Variants in CSNK2A2IP observed in about 807,000 individuals in gnomAD.
CSNK2A2IP encodes casein kinase II subunit alpha'-interacting protein.
At chr3:88,464,929 T>C in the CSNK2A2IP span, among the ~76,000 whole-genome samples, 1 of 152,162 alleles carries the variant, frequency 6.6e-6, no homozygotes. Context: ...AAAGTATAAT[T>C]CAAAAGATAT....
chr3:88,453,929 T>C, the CSNK2A2IP span, among the ~76,000 whole-genome samples: 3 of 152,234 alleles, frequency 2.0e-5, no homozygotes, highest in African/African-American at 7.2e-5. Context: ...TATGAGCATA[T>C]GCTTTCATTT....
At chr3:88,453,260 T>C in the CSNK2A2IP span, among the ~76,000 whole-genome samples, 184 of 152,230 alleles carry the variant, frequency 1.2e-3, 3 homozygotes, top group East Asian at 0.031. Context: ...TTGAAATCTC[T>C]TGAGTTATAA....
chr3:88,356,229 C>T, the CSNK2A2IP span, among the ~76,000 whole-genome samples: 3,881 of 152,064 alleles, frequency 0.026, 104 homozygotes, highest in East Asian at 0.074. Context: ...TTAATTAATA[C>T]TTTTTTAACC....
the CSNK2A2IP span, among the ~76,000 whole-genome samples, chr3:88,395,717 A>T: frequency 6.6e-6 from 1 of 152,352 alleles, no homozygotes. Context: ...TTTTAACAAT[A>T]CTGAGTCTAC....
chr3:88,443,978 T>C, the CSNK2A2IP span, among the ~76,000 whole-genome samples: 2 of 152,132 alleles, frequency 1.3e-5, no homozygotes, highest in Non-Finnish European at 2.9e-5. Context: ...TTTTTTTCTT[T>C]TTATTATCAA....
chr3:88,343,429 G>A, the CSNK2A2IP span: 1 of 151,846 alleles, frequency 6.6e-6, no homozygotes, highest in Non-Finnish European at 1.5e-5. Context: ...TCACTCCAGT[G>A]AGTCTGTTGA....
the CSNK2A2IP span, among the ~76,000 whole-genome samples, chr3:88,420,537 T>C: frequency 6.6e-6 from 1 of 152,254 alleles, no homozygotes; most frequent in African/African-American, 2.4e-5. Context: ...AGCTATATTT[T>C]TGTTTATTAT....
the CSNK2A2IP span, among the ~76,000 whole-genome samples, chr3:88,408,477 G>A: frequency 1.3e-5 from 2 of 152,020 alleles, no homozygotes; most frequent in Non-Finnish European, 2.9e-5. Flanking sequence ...TTCTATTAAA[G>A]TAGCTGATTA....
chr3:88,347,341 T>C, the CSNK2A2IP span, among the ~76,000 whole-genome samples: 3 of 151,998 alleles, frequency 2.0e-5, no homozygotes, highest in Admixed American at 6.6e-5. Flanking sequence ...GTGGGTAAAA[T>C]GCTATCAAAC....
At chr3:88,426,889 T>TGGGGGGGG in the CSNK2A2IP span, among the ~76,000 whole-genome samples, 12 of 123,738 alleles carry the variant, frequency 9.7e-5, no homozygotes, top group Non-Finnish European at 1.2e-4. Context: ...CCACGGGGGA[T>TGGGGGGGG]GGGGGGGGGC....
the CSNK2A2IP span, chr3:88,399,828 C>G: frequency 6.6e-6 from 1 of 152,132 alleles, no homozygotes; most frequent in Non-Finnish European, 1.5e-5. Context: ...ATTACAAAGG[C>G]GAGTTCAGAA....
the CSNK2A2IP span, among the ~76,000 whole-genome samples, chr3:88,342,809 G>T: frequency 6.6e-6 from 1 of 151,658 alleles, no homozygotes; most frequent in Non-Finnish European, 1.5e-5. Context: ...TGATAATTTT[G>T]GTGTGTATTA....
chr3:88,424,621 A>G, the CSNK2A2IP span, among the ~76,000 whole-genome samples: 2 of 152,182 alleles, frequency 1.3e-5, no homozygotes, highest in Non-Finnish European at 2.9e-5. Context: ...AAAGATTTCT[A>G]TGTCTGTAAG....
the CSNK2A2IP span, among the ~76,000 whole-genome samples, chr3:88,423,214 AT>A: frequency 1.3e-5 from 2 of 152,200 alleles, no homozygotes; most frequent in Non-Finnish European, 2.9e-5. Context: ...TTCATTTATC[AT>A]TTTTTAAATT....
chr3:88,410,958 TTGAG>T, the CSNK2A2IP span, among the ~76,000 whole-genome samples: 1 of 151,998 alleles, frequency 6.6e-6, no homozygotes, highest in African/African-American at 2.4e-5. Flanking sequence ...TAACTGCTGA[TTGAG>T]TAAGAAATAT....
chr3:88,387,935 CA>C, the CSNK2A2IP span, among the ~76,000 whole-genome samples: 1 of 152,086 alleles, frequency 6.6e-6, no homozygotes, highest in Non-Finnish European at 1.5e-5. Flanking sequence ...CTGTGTTGCC[CA>C]GGTTGATTTC....
At chr3:88,358,015 A>G in the CSNK2A2IP span, among the ~76,000 whole-genome samples, 1 of 152,098 alleles carries the variant, frequency 6.6e-6, no homozygotes. Flanking sequence ...CTCCCAGTCC[A>G]TCAGTGTTTT....
the CSNK2A2IP span, among the ~76,000 whole-genome samples, chr3:88,436,472 T>C: frequency 6.6e-6 from 1 of 152,162 alleles, no homozygotes; most frequent in Non-Finnish European, 1.5e-5. Flanking sequence ...CCATATTCCT[T>C]AGTCAAACTG....
chr3:88,420,359 A>C, the CSNK2A2IP span, among the ~76,000 whole-genome samples: 2 of 152,160 alleles, frequency 1.3e-5, no homozygotes, highest in South Asian at 4.1e-4. Context: ...TGCCAGTAAG[A>C]CTGAATGGCA....
Sources: gnomAD v4.1 joint callset for allele counts (sites outside exome capture counted in the v4.1 genomes callset) on GRCh38, gnomAD v4.1.1 for gene constraint, MANE v1.5 for transcripts, NCBI Gene and HGNC (gene_info 2026-07-23, HGNC 2026-07-21) for gene names.